Variants in ATAD2B observed in about 807,000 individuals in gnomAD.
ATAD2B encodes ATPase family AAA domain-containing protein 2B.
In ATAD2B, 40 loss-of-function variants were observed where a neutral mutation model predicts 167.6. The observed-to-expected ratio is 0.24, with a 90% CI of 0.19 to 0.31. ATAD2B has a LOEUF of 0.31. ATAD2B is among the 10% of genes least tolerant of loss of function. ATAD2B has a pLI of 1.00. For missense variants in ATAD2B, 1,242 were observed against 1,757.2 expected, an observed-to-expected ratio of 0.71 and a Z score of 5.24; for synonymous variants, 579 against 596.5, an observed-to-expected ratio of 0.97 and a Z score of 0.43.
At position 23,864,822 on chromosome 2, in the gene ATAD2B, T is replaced by C. The variant is rs557280150; in HGVS notation, c.1291A>G (p.Ile431Val). 1.3e-6 allele frequency: 2 copies of C among 1,567,394 alleles called. No homozygotes were observed. Among genetic ancestry groups the C allele is most frequent in the Non-Finnish European group, 1.7e-6 (2 of 1,151,802 alleles). The change falls in exon 11 of 28, where the codon ATT becomes GTT. Residue 431 changes from isoleucine (I) to valine (V), a missense_variant. Coordinates refer to ENST00000238789, the MANE Select transcript of ATAD2B (RefSeq NM_017552.4). ...GACATTGCTTACCTTGGAGGCTGAATTTTAAACTTTTCAAAAATTTCTGGA... is the reference window on the plus strand; with the variant it reads ...GACATTGCTTACCTTGGAGGCTGAACTTTAAACTTTTCAAAAATTTCTGGA... The part of the protein sequence containing the change: ...LYPEIFEKFK[I>V]QPPRGCLFYG...
the ATAD2B span, among the ~76,000 whole-genome samples, chr2:23,735,421 T>C: frequency 1.3e-5 from 2 of 152,206 alleles, no homozygotes; most frequent in Admixed American, 6.5e-5. Flanking sequence ...AGATGAGTGG[T>C]AGGAAAAAGG....
At chr2:23,692,783 C>T in the ATAD2B span, among the ~76,000 whole-genome samples, 3 of 152,086 alleles carry the variant, frequency 2.0e-5, no homozygotes, top group East Asian at 5.8e-4. Context: ...GACCCCAGAG[C>T]CTAGCGAGCC....
At chr2:23,691,225 G>C in the ATAD2B span, 8 of 220,640 alleles carry the variant, frequency 3.6e-5, no homozygotes, top group East Asian at 1.0e-3. Context: ...CTCTGGATTG[G>C]CTGGCATCAC....
chr2:23,833,889 T>C, intron 14 of ATAD2B, 30 bp downstream of exon 14: 1 of 1,545,556 alleles, frequency 6.5e-7, no homozygotes, highest in Non-Finnish European at 8.8e-7. Flanking sequence ...TACATATAAA[T>C]GTTAACATAT....
chr2:23,695,170 A>G, the ATAD2B span, among the ~76,000 whole-genome samples: 1 of 152,116 alleles, frequency 6.6e-6, no homozygotes, highest in African/African-American at 2.4e-5. The surrounding 1 kb of genome is among the most constrained non-coding windows in gnomAD (Gnocchi z 7.6). Flanking sequence ...GAGACTTACA[A>G]GCTCAATAGT....
chr2:23,890,488 G>C (rs1240046099), intron 2 of ATAD2B, among the ~76,000 whole-genome samples: 1 of 152,156 alleles, frequency 6.6e-6, no homozygotes, highest in Non-Finnish European at 1.5e-5. Flanking sequence ...TTACAACGTT[G>C]TCATTACACA....
chr2:23,692,953 C>T, the ATAD2B span, among the ~76,000 whole-genome samples: 6 of 152,172 alleles, frequency 3.9e-5, no homozygotes, highest in African/African-American at 9.7e-5. Flanking sequence ...TGACTCCTGA[C>T]GCCTGACCCC....
At chr2:23,917,161 G>A (rs1443614607) in intron 1 of ATAD2B, among the ~76,000 whole-genome samples, 4 of 152,196 alleles carry the variant, frequency 2.6e-5, no homozygotes, top group East Asian at 1.9e-4. Context: ...GTAGCTGCTC[G>A]ATATTTACTG....
the ATAD2B span, among the ~76,000 whole-genome samples, chr2:23,712,574 G>T: frequency 6.6e-6 from 1 of 152,182 alleles, no homozygotes; most frequent in Non-Finnish European, 1.5e-5. Flanking sequence ...AACAGCATAA[G>T]TGCTGACCAC....
the ATAD2B span, among the ~76,000 whole-genome samples, chr2:23,710,796 G>A: frequency 1.3e-5 from 2 of 152,208 alleles, no homozygotes; most frequent in Non-Finnish European, 2.9e-5. Flanking sequence ...ATGATTTAAA[G>A]TACACTGGAG....
At chr2:23,913,704 A>G (rs1026512788) in intron 1 of ATAD2B, among the ~76,000 whole-genome samples, 2 of 152,204 alleles carry the variant, frequency 1.3e-5, no homozygotes, top group African/African-American at 4.8e-5. Flanking sequence ...ATTGAAATTA[A>G]AATTGAAAAA....
chr2:23,887,735 T>C (rs866748610), intron 4 of ATAD2B, 97 bp downstream of exon 4: 21 of 1,130,178 alleles, frequency 1.9e-5, no homozygotes, highest in Middle Eastern at 3.1e-4. Flanking sequence ...AAGAACTGTA[T>C]TGATTGCTAA....
chr2:23,704,353 G>A, the ATAD2B span, among the ~76,000 whole-genome samples: 3 of 152,244 alleles, frequency 2.0e-5, no homozygotes, highest in Non-Finnish European at 4.4e-5. Context: ...CCTGCAGGCA[G>A]AGAAGGTAGA....
the ATAD2B span, among the ~76,000 whole-genome samples, chr2:23,736,664 T>C: frequency 6.6e-6 from 1 of 152,108 alleles, no homozygotes. Context: ...GGTACCAGGT[T>C]CATCTCACTG....
chr2:23,806,647 A>G (rs1464990138), intron 18 of ATAD2B, among the ~76,000 whole-genome samples: 1 of 152,190 alleles, frequency 6.6e-6, no homozygotes, highest in Non-Finnish European at 1.5e-5. Flanking sequence ...TTATACATTA[A>G]TTTAGGAAAA....
the ATAD2B span, among the ~76,000 whole-genome samples, chr2:23,687,890 G>T: frequency 6.6e-6 from 1 of 152,166 alleles, no homozygotes; most frequent in Non-Finnish European, 1.5e-5. Flanking sequence ...CCAGATGTGT[G>T]TTTTGTAAAG....
rs1211574496 is a variant in ATAD2B, at chr2:23,908,301, AC to A, written c.217-12332del. On this transcript the variant is annotated intron_variant, in intron 1 of 27. Transcript: ENST00000238789. ...ACTCAAACAAATTTACAAGAAAAAA[AC>A]AACCCCATCAACAAGTGGGTGAAGG... is the stretch of plus-strand genomic sequence containing the variant. Among the ~76,000 whole-genome samples the A allele has an allele frequency of 9.2e-5, 14 of 152,332 alleles. No individual in the cohort carries two copies. The South Asian group carries it at 2.9e-3, about 32-fold the overall frequency.
intron 18 of ATAD2B, chr2:23,806,306 G>C (rs1558564536): frequency 6.6e-6 from 1 of 152,122 alleles, no homozygotes; most frequent in African/African-American, 2.4e-5. Context: ...AGTTTTCCAA[G>C]ACCATTTGGT....
intron 19 of ATAD2B, among the ~76,000 whole-genome samples, chr2:23,796,660 G>T (rs781116266): frequency 6.6e-6 from 1 of 152,106 alleles, no homozygotes; most frequent in Non-Finnish European, 1.5e-5. Context: ...TGATAAAGAG[G>T]ATCTAACTTG....
Sources: gnomAD v4.1 joint callset for allele counts (sites outside exome capture counted in the v4.1 genomes callset) on GRCh38, gnomAD v4.1.1 for gene constraint, Gnocchi (gnomAD v3.1) non-coding constraint, MANE v1.5 for transcripts, NCBI Gene and HGNC (gene_info 2026-07-23, HGNC 2026-07-21) for gene names.